ADCY4: variants seen among roughly 807,000 people sequenced by gnomAD.
The protein encoded by ADCY4 is adenylate cyclase 4.
Under a neutral mutation model 125.5 loss-of-function variants are expected in ADCY4, and 111 were observed. The observed-to-expected ratio is 0.88, with a 90% CI of 0.76 to 1.04. The LOEUF (loss-of-function observed/expected upper bound fraction) is 1.04. ADCY4 is among the 50% of genes least tolerant of loss of function. ADCY4 has a pLI of 0.00. For synonymous variants in ADCY4, 576 were observed against 586.9 expected, an observed-to-expected ratio of 0.98 and a Z score of 0.27; for missense variants, 1,256 against 1,382.9, an observed-to-expected ratio of 0.91 and a Z score of 1.46.
chr14:24,322,791 C>T (rs925355835), intron 18 of ADCY4, 83 bp from the exon 19 acceptor site: 3 of 1,554,962 alleles, frequency 1.9e-6, no homozygotes, highest in African/African-American at 2.7e-5. Flanking sequence ...CTCCGCTTCC[C>T]TCCCACTTTG....
chr14:24,332,433 G>T, intron 3 of ADCY4, 89 bp downstream of exon 3: 1 of 1,426,706 alleles, frequency 7.0e-7, no homozygotes, highest in Non-Finnish European at 9.4e-7. Context: ...ACCTTGACTT[G>T]GAGTCACAGC....
chr14:24,329,295 C>T, intron 9 of ADCY4, 61 bp from the exon 10 acceptor site: 4 of 1,586,690 alleles, frequency 2.5e-6, no homozygotes, highest in Non-Finnish European at 3.4e-6. Flanking sequence ...CCCTCCACCC[C>T]CCACTAGGAC....
chr14:24,330,792 G>T, intron 6 of ADCY4: 1 of 537,456 alleles, frequency 1.9e-6, no homozygotes, highest in Non-Finnish European at 3.3e-6. Context: ...TTGTACTTGG[G>T]ACATCTGTGG....
intron 16 of ADCY4, chr14:24,323,757 C>T (rs2041894262): frequency 1.0e-5 from 7 of 701,972 alleles, no homozygotes; most frequent in Non-Finnish European, 1.2e-5. Context: ...TTCCCAGGTG[C>T]CCACCAGGAA....
At chr14:24,325,237 C>T (rs1566435257) in intron 14 of ADCY4, 140 bp downstream of exon 14, 2 of 635,288 alleles carry the variant, frequency 3.1e-6, no homozygotes, top group Admixed American at 2.8e-5. Flanking sequence ...TATCATTTTC[C>T]CCAGAACACA....
chr14:24,322,154 G>A lies in ADCY4; in HGVS notation c.2498C>T (p.Thr833Met), dbSNP rs61729934. The change falls in exon 20 of 25, where the codon ACG (threonine) becomes ATG (methionine). Residue 833 changes from threonine to methionine, a missense_variant. Physicochemically the swap from Thr to Met is moderately conservative, Grantham distance 81 (BLOSUM62 -1). Coordinates refer to ENST00000418030, the MANE Select transcript of ADCY4 (RefSeq NM_001198568.2). ...KLRQEREETE[T>M]MENLTRLLLE... ...GAGCAGCCGAGTCAGGTTCTCCATC[G>A]TCTCTGTCTCCTCCCTCTCCTGCCT... 283 of 1,614,110 alleles carry A rather than the reference G, an allele frequency of 1.8e-4. No homozygotes were observed. The highest frequency in any genetic ancestry group is 1.7e-3 in the African/African-American group (130 of 75,000).
rs368028913 is a variant in ADCY4 at position 24,329,234 on chromosome 14, C to T, written c.1351G>A (p.Ala451Thr). Reference sequence around the variant, plus strand: ...GTGCCCTTCTCATCCTCCTCCTCTGCCTGGGGCACATAAGGGCTGACAGTA... The same window carrying T: ...GTGCCCTTCTCATCCTCCTCCTCTGTCTGGGGCACATAAGGGCTGACAGTA... ...EPTYLVIDPR[A>T]EEEDEKGTAG... is the part of the protein sequence containing the mutation. The change falls in exon 10 of 25, where the codon GCA becomes ACA. Residue 451 changes from alanine to threonine, a missense_variant and splice_region_variant. Physicochemically the swap from Ala to Thr is moderately conservative, Grantham distance 58 (BLOSUM62 0). Transcript: ENST00000418030. 1.2e-6 allele frequency: 2 copies of T among 1,613,348 alleles called. No individual in the cohort carries two copies. The highest frequency in any genetic ancestry group is 2.7e-5 in the African/African-American group (2 of 74,886).
chr14:24,323,212 A>C, intron 17 of ADCY4, 124 bp from the exon 18 acceptor site: 1 of 1,366,200 alleles, frequency 7.3e-7, no homozygotes, highest in Non-Finnish European at 1.0e-6. Context: ...CATCATACAC[A>C]CTGATACACA....
rs138857253 is a variant in ADCY4 at position 24,319,770 on chromosome 14, A to G, written c.2705T>C (p.Leu902Pro). The G allele has an allele frequency of 1.4e-5, 23 of 1,614,198 alleles. No individual in the cohort carries two copies. Among genetic ancestry groups the G allele is most frequent in the Middle Eastern group, 1.7e-4 (1 of 6,058 alleles). The change falls in exon 21 of 25, where the codon CTC (leucine) becomes CCC (proline). Residue 902 changes from leucine to proline, a missense_variant. Leu to Pro is a moderately conservative substitution (Grantham distance 98). Transcript: ENST00000418030. The surrounding 1 kb of genome is among the most constrained non-coding windows in gnomAD (Gnocchi z 4.5). ...ATCAAAATCAGCAATTATCTCATTG[A>G]GCAGCCTCAGACACTCTAGGCCCTC... Reference protein sequence around the residue: ...NHEGLECLRLLNEIIADFDEL... With the variant: ...NHEGLECLRLPNEIIADFDEL...
chr14:24,329,952 C>T lies in ADCY4; in HGVS notation c.1125G>A (p.Leu375=), dbSNP rs1476464581. 3 of 1,614,172 alleles carry T rather than the reference C, an allele frequency of 1.9e-6. No homozygotes were observed. Among genetic ancestry groups the T allele is most frequent in the Non-Finnish European group, 2.5e-6 (3 of 1,180,012 alleles). The change falls in exon 8 of 25, where the codon CTG becomes CTA. Residue 375 remains leucine, a synonymous_variant. Coordinates refer to ENST00000418030, the MANE Select transcript of ADCY4 (RefSeq NM_001198568.2). ...MRVGVHSGSV[L]CGVIGLQKWQ... ...ACTTCTGCAGCCCGATGACTCCACA[C>T]AGTACGCTGCCTGAGTGCACGCCCA...
rs368962760 is a variant in ADCY4, at chr14:24,326,280, G to C, written c.1568+19C>G. The C allele has an allele frequency of 2.5e-5, 41 of 1,613,950 alleles. No homozygotes were observed. Among genetic ancestry groups the C allele is most frequent in the African/African-American group, 4.0e-5 (3 of 74,900 alleles). On this transcript the variant is annotated intron_variant, in intron 11 of 24. Coordinates refer to ENST00000418030, the MANE Select transcript of ADCY4 (RefSeq NM_001198568.2). The stretch of plus-strand genomic sequence containing the variant: ...TCATCCAGACAGCCCCACTGGCAAA[G>C]ACTTTGAGGCCTCCTCACCGATCCA...
At position 24,330,293 on chromosome 14, in the gene ADCY4, C is replaced by G; in HGVS notation, c.933G>C (p.Glu311Asp). The change falls in exon 7 of 25, where the codon GAG becomes GAC. Residue 311 changes from glutamate to aspartate, a missense_variant and splice_region_variant. Glu to Asp is a conservative substitution (Grantham distance 45). Coordinates refer to ENST00000418030, the MANE Select transcript of ADCY4 (RefSeq NM_001198568.2). ...GGATCTTGATCCGCATGCATTCATG[C>G]TCCTGGGAGTGTGTATGTGGGTGTG... is the stretch of plus-strand genomic sequence containing the variant. ...LFGKFDQIAK[E>D]HECMRIKILG... 2 of 1,614,138 alleles carry G rather than the reference C, an allele frequency of 1.2e-6. No homozygotes were observed. Among genetic ancestry groups the G allele is most frequent in the Non-Finnish European group, 1.7e-6 (2 of 1,180,036 alleles).
chr14:24,332,546 G>A lies in ADCY4; in HGVS notation c.495C>T (p.Asp165=). The change falls in exon 3 of 25, where the codon GAC becomes GAT. Residue 165 remains aspartate, a synonymous_variant. Coordinates refer to ENST00000418030, the MANE Select transcript of ADCY4 (RefSeq NM_001198568.2). ...CCTGCGGCAGCAGTGCAGGCCGTGA[G>A]TCCGGCTGTGGCCCAAGATACAGCC... The part of the protein sequence containing the change: ...VLGLYLGPQP[D]SRPALLPQLA... 1 of 1,571,986 alleles carries A rather than the reference G, an allele frequency of 6.4e-7. No individual in the cohort carries two copies. The highest frequency in any genetic ancestry group is 8.6e-7 in the Non-Finnish European group (1 of 1,158,744).
intron 10 of ADCY4, 68 bp downstream of exon 10, chr14:24,328,993 A>G: frequency 6.5e-7 from 1 of 1,549,320 alleles, no homozygotes; most frequent in East Asian, 2.3e-5. Flanking sequence ...GAAGGCTGCC[A>G]GTGGGGCCTG....
chr14:24,320,034 G>T, intron 20 of ADCY4, 146 bp from the exon 21 acceptor site: 1 of 922,688 alleles, frequency 1.1e-6, no homozygotes, highest in Non-Finnish European at 1.6e-6. Flanking sequence ...GTAGGGCCAG[G>T]CTACCCCAGG....
intron 10 of ADCY4, among the ~76,000 whole-genome samples, chr14:24,326,815 A>G (rs2041953935): frequency 6.6e-6 from 1 of 151,582 alleles, no homozygotes; most frequent in Non-Finnish European, 1.5e-5. Flanking sequence ...GCTGGTCTCA[A>G]ACTGCTGACC....
chr14:24,319,445 A>G lies in ADCY4; in HGVS notation c.2734-9T>C. The G allele has an allele frequency of 6.2e-7, 1 of 1,613,650 alleles. No individual in the cohort carries two copies. Among genetic ancestry groups the G allele is most frequent in the Non-Finnish European group, 8.5e-7 (1 of 1,179,552 alleles). On this transcript the variant is annotated splice_polypyrimidine_tract_variant and intron_variant, in intron 21 of 24. Transcript: ENST00000418030. The surrounding 1 kb of genome is among the most constrained non-coding windows in gnomAD (Gnocchi z 4.5). ...TTGGGCTTGGAGAGCAGCTGTATAT[A>G]GAGAAGAGTCCTGTCCCCAGTCTCT...
At chr14:24,331,153 C>T in intron 5 of ADCY4, 24 bp from the exon 6 acceptor site, 1 of 1,612,740 alleles carries the variant, frequency 6.2e-7, no homozygotes, top group South Asian at 1.1e-5. Context: ...ACTGTGTCAG[C>T]AGGGCCAGGG....
chr14:24,334,697 C>T lies in ADCY4; in HGVS notation c.-45G>A. On this transcript the variant is annotated 5_prime_UTR_variant, in exon 1 of 25. Coordinates refer to ENST00000418030, the MANE Select transcript of ADCY4 (RefSeq NM_001198568.2). ...CCCGGGGCTGGCTAGGGCCGGGCGC[C>T]GGGTTACCTCCTTCGGCCCGGCGGG... is the stretch of plus-strand genomic sequence containing the variant. 1.4e-6 allele frequency: 2 copies of T among 1,435,336 alleles called. No homozygotes were observed. Among genetic ancestry groups the T allele is most frequent in the Non-Finnish European group, 1.8e-6 (2 of 1,086,510 alleles). 88.9% of individuals were successfully genotyped at this position (1,435,336 alleles called of 1,614,324 possible).
Sources: gnomAD v4.1 joint callset for allele counts (sites outside exome capture counted in the v4.1 genomes callset) on GRCh38, gnomAD v4.1.1 for gene constraint, Gnocchi (gnomAD v3.1) non-coding constraint, MANE v1.5 for transcripts, NCBI Gene and HGNC (gene_info 2026-07-23, HGNC 2026-07-21) for gene names.